The following RASGRF1 variants were observed in gnomAD, a reference collection of about 807,000 sequenced individuals.
RASGRF1 encodes the protein Ras protein specific guanine nucleotide releasing factor 1, also known as ras-specific guanine nucleotide-releasing factor 1.
RASGRF1 carries 40 observed loss-of-function variants against 138.7 expected under a neutral mutation model. The observed-to-expected ratio is 0.29, with a 90% CI of 0.22 to 0.38. The LOEUF is 0.38. Ranked by LOEUF, RASGRF1 falls within the 10% of genes least tolerant of loss-of-function variation. The pLI is 1.00. For missense variants in RASGRF1, 1,108 were observed against 1,650.4 expected (o/e 0.67, Z 5.69); for synonymous variants, 614 against 663.2 (o/e 0.93, Z 1.14).
chr15:78,979,291 C>T (rs774555234), intron 24 of RASGRF1: 62 of 947,902 alleles, frequency 6.5e-5, no homozygotes, highest in Middle Eastern at 2.7e-4. Flanking sequence ...AGGAAGAAAA[C>T]GCAAAGAGGA....
In RASGRF1 at chr15:78,972,816, G is replaced by A. The variant is rs183243913; in HGVS notation, c.3612+487C>T. On this transcript the variant is annotated intron_variant, in intron 25 of 26. Coordinates refer to ENST00000558480, the MANE Select transcript of RASGRF1 (RefSeq NM_001145648.3). Reference sequence around the variant, plus strand: ...TATCCCAAGTTCTAGATTTTTCTGGGAAAACTGGAAACTTACTCTTTTAGG... The same window carrying A: ...TATCCCAAGTTCTAGATTTTTCTGGAAAAACTGGAAACTTACTCTTTTAGG... 2.0e-5 allele frequency among the ~76,000 whole-genome samples: 3 copies of A among 152,254 alleles called. No homozygotes were observed. In the East Asian group the frequency reaches 5.8e-4, roughly 29 times the overall value.
At chr15:78,981,563 C>A (rs1263738760) in intron 23 of RASGRF1, 1 of 152,232 alleles carries the variant, frequency 6.6e-6, no homozygotes, top group African/African-American at 2.4e-5. Context: ...AGGCCAAGCA[C>A]ACGCCCAATC....
intron 16 of RASGRF1, among the ~76,000 whole-genome samples, chr15:79,000,489 A>G (rs2056498975): frequency 6.6e-6 from 1 of 152,226 alleles, no homozygotes; most frequent in African/African-American, 2.4e-5. Flanking sequence ...TAATAGGGAT[A>G]AAGCTTCAAA....
Position 79,015,391 on chromosome 15 carries a change from A to T in RASGRF1, c.1762T>A (p.Cys588Ser). ...DISQCVDNIRCNGLMMNAFEE... is the reference protein window; with the variant it reads ...DISQCVDNIRSNGLMMNAFEE... ...AATGCGTTCATCATGAGCCCATTGCATCGGATGTTATCCACACACTGGAAT... is the reference window on the plus strand; with the variant it reads ...AATGCGTTCATCATGAGCCCATTGCTTCGGATGTTATCCACACACTGGAAT... Residue 588 changes from cysteine to serine, a missense_variant, in exon 13 of 27, where the codon TGC becomes AGC. Around this residue, in one of 3 missense-constraint regions of RASGRF1, gnomAD observed 686 missense variants for 976.7 expected, o/e 0.70. Transcript: ENST00000558480. The T allele has an allele frequency of 6.2e-7, 1 of 1,613,886 alleles. No individual in the cohort carries two copies. The highest frequency in any genetic ancestry group is 8.5e-7 in the Non-Finnish European group (1 of 1,179,716).
At chr15:79,037,118 A>G (rs1316752628) in intron 5 of RASGRF1, among the ~76,000 whole-genome samples, 2 of 152,112 alleles carry the variant, frequency 1.3e-5, no homozygotes, top group African/African-American at 2.4e-5. Context: ...TGTTGAATGG[A>G]TAAATGTTCC....
chr15:78,987,463 A>AGGC (rs2056182715), intron 22 of RASGRF1, among the ~76,000 whole-genome samples: 1 of 152,146 alleles, frequency 6.6e-6, no homozygotes. Context: ...TTGGGAGCTG[A>AGGC]GGCGGGTGGA....
At chr15:79,002,755 C>T (rs1471213525) in intron 15 of RASGRF1, among the ~76,000 whole-genome samples, 1 of 152,220 alleles carries the variant, frequency 6.6e-6, no homozygotes, top group African/African-American at 2.4e-5. Context: ...CTGCATGTGC[C>T]ACGGTGAGTG....
intron 2 of RASGRF1, among the ~76,000 whole-genome samples, chr15:79,063,897 C>T (rs1251787769): frequency 1.3e-5 from 2 of 152,142 alleles, no homozygotes; most frequent in African/African-American, 4.8e-5. Context: ...CTTTGGCTTT[C>T]CCCTCTCCTG....
chr15:79,031,948 CCA>C (rs1398082977), intron 7 of RASGRF1, among the ~76,000 whole-genome samples, 173 bp downstream of exon 7: 4 of 152,080 alleles, frequency 2.6e-5, no homozygotes, highest in African/African-American at 4.8e-5. Context: ...GTGGACAGGC[CCA>C]CAGTCAGCTT....
rs967530190 is a variant in RASGRF1 at position 78,980,787 on chromosome 15, C to T, written c.3415-88G>A. 13 of 967,570 alleles carry T rather than the reference C, an allele frequency of 1.3e-5. No individual in the cohort carries two copies. The East Asian group carries it at 2.6e-4, about 19-fold the overall frequency. 59.9% of individuals were successfully genotyped at this position (967,570 alleles called of 1,614,324 possible). ...ATCAGGCCCACACTCCAACATGCTG[C>T]CCAACAGGGCTCCAGAATTGCCTTC... On this transcript the variant is annotated intron_variant, in intron 23 of 26. Transcript: ENST00000558480.
chr15:79,063,293 A>G (rs2057632920), intron 2 of RASGRF1, among the ~76,000 whole-genome samples: 1 of 152,110 alleles, frequency 6.6e-6, no homozygotes, highest in Non-Finnish European at 1.5e-5. Context: ...TAGAATGGAT[A>G]CCCCTTGAGG....
intron 5 of RASGRF1, among the ~76,000 whole-genome samples, chr15:79,044,761 T>C (rs1316945493): frequency 1.3e-5 from 2 of 152,208 alleles, no homozygotes; most frequent in Non-Finnish European, 2.9e-5. Flanking sequence ...AATCCCCCTT[T>C]CCTCTTTCTC....
At position 78,977,194 on chromosome 15, in the gene RASGRF1, T is replaced by A. The variant is rs571561688; in HGVS notation, c.3494+3426A>T. The stretch of plus-strand genomic sequence containing the variant: ...TGAGTCCACCTCCCCTTCCTCTTTC[T>A]CTCCAACTTCTCTCTTCCCTGTACT... On this transcript the variant is annotated intron_variant, in intron 24 of 26. Transcript: ENST00000558480. Among the ~76,000 whole-genome samples, 244 of 152,296 alleles carry A rather than the reference T, an allele frequency of 1.6e-3. 2 individuals carry two copies. Among genetic ancestry groups the A allele is most frequent in the African/African-American group, 5.7e-3 (237 of 41,564 alleles).
intron 5 of RASGRF1, among the ~76,000 whole-genome samples, chr15:79,038,007 A>G (rs527826535): frequency 6.6e-6 from 1 of 152,150 alleles, no homozygotes; most frequent in Non-Finnish European, 1.5e-5. Context: ...CTCATCTGAC[A>G]GGAGGTGGAG....
rs1431083846 is a variant in RASGRF1 at position 79,084,973 on chromosome 15, T to C, written c.276+5250A>G. Among the ~76,000 whole-genome samples the C allele has an allele frequency of 3.3e-5, 5 of 152,292 alleles. No homozygotes were observed. In the East Asian group the frequency reaches 9.6e-4, roughly 29 times the overall value. Reference sequence around the variant, plus strand: ...GTAAAGACCCCGTTCCTTCATCCTCTCAGGGCTTCCACCTCTCTCACCTGG... The same window carrying C: ...GTAAAGACCCCGTTCCTTCATCCTCCCAGGGCTTCCACCTCTCTCACCTGG... On this transcript the variant is annotated intron_variant, in intron 1 of 26. Coordinates refer to ENST00000558480, the MANE Select transcript of RASGRF1 (RefSeq NM_001145648.3).
At chr15:78,978,756 G>T in intron 24 of RASGRF1, 2 of 1,121,420 alleles carry the variant, frequency 1.8e-6, no homozygotes, top group East Asian at 6.4e-5. Context: ...AGGAGAGGGG[G>T]TGCGGGAAGC....
At chr15:79,080,974 G>A (rs1367997049) in intron 1 of RASGRF1, among the ~76,000 whole-genome samples, 4 of 152,336 alleles carry the variant, frequency 2.6e-5, no homozygotes, top group Admixed American at 6.5e-5. Flanking sequence ...AATGAGGATC[G>A]TGCCTCTCTT....
intron 23 of RASGRF1, 178 bp from the exon 24 acceptor site, chr15:78,980,877 C>T (rs28744501): frequency 0.01 from 4,633 of 453,322 alleles, 183 homozygotes; most frequent in African/African-American, 0.082. Flanking sequence ...GAGTTGGGCA[C>T]GGGTCCTTGT....
chr15:79,076,525 T>G (rs1408193943), intron 1 of RASGRF1, among the ~76,000 whole-genome samples: 3 of 152,158 alleles, frequency 2.0e-5, no homozygotes, highest in Non-Finnish European at 4.4e-5. Flanking sequence ...CTGAGGCTCC[T>G]GGGAATGTGG....
Sources: allele counts gnomAD v4.1 joint callset (sites outside exome capture counted in the v4.1 genomes callset), GRCh38; gene constraint gnomAD v4.1.1; regional missense constraint gnomAD v4.1.1; transcripts MANE v1.5; gene names NCBI Gene and HGNC (gene_info 2026-07-23, HGNC 2026-07-21).